The following POU6F2 variants were observed in gnomAD, a reference collection of about 807,000 sequenced individuals.
The protein encoded by POU6F2 is POU domain, class 6, transcription factor 2.
A neutral mutation model predicts 71.3 loss-of-function variants in POU6F2; 31 were observed. That is an observed-to-expected ratio of 0.43 (90% confidence interval 0.33 to 0.59). The LOEUF (loss-of-function observed/expected upper bound fraction) is 0.59. Ranked by LOEUF, POU6F2 falls within the 20% of genes least tolerant of loss-of-function variation. POU6F2 has a pLI of 0.04. For missense variants in POU6F2, 783 were observed against 856.8 expected (o/e 0.91, Z 1.07); for synonymous variants, 347 against 355.7 (o/e 0.98, Z 0.27).
At chr7:39,136,431 G>A (rs112942119) in intron 2 of POU6F2, among the ~76,000 whole-genome samples, 43 of 152,120 alleles carry the variant, frequency 2.8e-4, no homozygotes, top group African/African-American at 1.0e-3. Flanking sequence ...ATAGATCCTA[G>A]GATATGTGAA....
rs758341461 is a variant in POU6F2, at chr7:39,451,523, C to T, written c.1321-10C>T. ...TCATTTGTGTATTTTTTTTACATCC[C>T]CTCATGTAGCTCCACCAACCCTCCC... On this transcript the variant is annotated splice_polypyrimidine_tract_variant and intron_variant, in intron 7 of 9. Transcript: ENST00000518318. 5.0e-6 allele frequency: 8 copies of T among 1,606,328 alleles called. No homozygotes were observed. The highest frequency in any genetic ancestry group is 1.7e-5 in the Admixed American group (1 of 59,502).
Position 39,362,374 on chromosome 7 carries a change from C to A in POU6F2, c.972+22359C>A, listed in dbSNP as rs191636574. ...GTAGCCCAAAAAGAACCTGGAGAAT[C>A]CCCTTGTTAGGACCCTCCCTTCTGG... On this transcript the variant is annotated intron_variant, in intron 5 of 9. Transcript: ENST00000518318. Among the ~76,000 whole-genome samples the A allele has an allele frequency of 3.8e-4, 57 of 151,990 alleles. No individual in the cohort carries two copies. In the East Asian group the frequency reaches 0.01, roughly 27 times the overall value.
intron 2 of POU6F2, among the ~76,000 whole-genome samples, chr7:39,118,961 G>T (rs1791986930): frequency 6.6e-6 from 1 of 152,180 alleles, no homozygotes; most frequent in Admixed American, 6.5e-5. Flanking sequence ...CATGTGTCCA[G>T]CCAATCTATG....
chr7:39,271,426 G>A (rs1425292118), intron 4 of POU6F2, among the ~76,000 whole-genome samples: 1 of 148,542 alleles, frequency 6.7e-6, no homozygotes, highest in Non-Finnish European at 1.5e-5. Flanking sequence ...AAAAGTTCTA[G>A]TTTGGCTTTG....
chr7:39,385,571 C>G (rs1044669157), intron 5 of POU6F2, among the ~76,000 whole-genome samples: 1 of 152,198 alleles, frequency 6.6e-6, no homozygotes, highest in African/African-American at 2.4e-5. Context: ...TGCTGTGTGC[C>G]TGAGCATTGA....
intron 4 of POU6F2, among the ~76,000 whole-genome samples, chr7:39,255,821 T>C (rs577969143): frequency 6.6e-6 from 1 of 152,290 alleles, no homozygotes; most frequent in Admixed American, 6.5e-5. Context: ...ATTTGTCTTC[T>C]CAAATCTCCT....
At chr7:39,435,132 A>C (rs2876836) in intron 7 of POU6F2, among the ~76,000 whole-genome samples, 52,893 of 152,008 alleles carry the variant, frequency 0.35, 10,448 homozygotes, top group East Asian at 0.58. Flanking sequence ...GATTTATATT[A>C]TTTTGGGTAT....
chr7:39,177,120 A>C (rs73365581), intron 2 of POU6F2, among the ~76,000 whole-genome samples: 1,638 of 152,326 alleles, frequency 0.011, 27 homozygotes, highest in African/African-American at 0.038. Context: ...AATGAAAATC[A>C]GGTCACTATA....
At chr7:39,215,277 G>A (rs1217333150) in intron 4 of POU6F2, among the ~76,000 whole-genome samples, 4 of 152,104 alleles carry the variant, frequency 2.6e-5, no homozygotes, top group Non-Finnish European at 4.4e-5. Context: ...CTTGGGAGGC[G>A]GAAGTTGCAG....
intron 8 of POU6F2, among the ~76,000 whole-genome samples, chr7:39,457,426 A>G (rs143840553): frequency 1.3e-5 from 2 of 152,276 alleles, no homozygotes; most frequent in African/African-American, 2.4e-5. Context: ...AAGTAGTGAC[A>G]GTGGGGTAAG....
intron 2 of POU6F2, among the ~76,000 whole-genome samples, chr7:39,189,601 C>T (rs1013548632): frequency 2.0e-5 from 3 of 152,068 alleles, no homozygotes; most frequent in African/African-American, 7.2e-5. Context: ...CAGGATTTCA[C>T]CATGTGGCCA....
chr7:39,331,580 T>C (rs879551389), intron 4 of POU6F2, among the ~76,000 whole-genome samples: 1 of 152,186 alleles, frequency 6.6e-6, no homozygotes, highest in Non-Finnish European at 1.5e-5. Context: ...CGATCTCGGC[T>C]CACTGCAACC....
At chr7:39,197,435 A>T (rs1165991327) in intron 2 of POU6F2, among the ~76,000 whole-genome samples, 4 of 152,224 alleles carry the variant, frequency 2.6e-5, no homozygotes, top group African/African-American at 9.6e-5. Flanking sequence ...TGCGTTTGTA[A>T]TTTGCACTGA....
intron 1 of POU6F2, among the ~76,000 whole-genome samples, chr7:39,039,236 C>T (rs76818358): frequency 0.019 from 2,845 of 152,018 alleles, 36 homozygotes; most frequent in Middle Eastern, 0.055. Context: ...TTGGAAATGG[C>T]AGATACAAGA....
intron 5 of POU6F2, 157 bp from the exon 6 acceptor site, chr7:39,406,443 C>A: frequency 1.3e-6 from 1 of 766,382 alleles, no homozygotes; most frequent in Non-Finnish European, 2.1e-6. Context: ...TACCCCAGAG[C>A]TTCCGGGGGA....
intron 4 of POU6F2, among the ~76,000 whole-genome samples, chr7:39,302,984 G>A (rs1054177132): frequency 6.6e-6 from 1 of 152,184 alleles, no homozygotes; most frequent in African/African-American, 2.4e-5. Flanking sequence ...CTCCAGGCTG[G>A]GGCCTGAAAA....
chr7:39,217,234 T>C lies in POU6F2; in HGVS notation c.598+9614T>C, dbSNP rs540837390. Among the ~76,000 whole-genome samples, 19 of 152,270 alleles carry C rather than the reference T, an allele frequency of 1.2e-4. No homozygotes were observed. In the South Asian group the frequency reaches 3.7e-3, roughly 30 times the overall value. ...TAAAAAGAATACAACCGCAAAGCAATTCTATGCATTCATTATGTATGAACA... is the reference window on the plus strand; with the variant it reads ...TAAAAAGAATACAACCGCAAAGCAACTCTATGCATTCATTATGTATGAACA... On this transcript the variant is annotated intron_variant, in intron 4 of 9. Transcript: ENST00000518318.
At chr7:39,063,269 G>A (rs1790693699) in intron 1 of POU6F2, among the ~76,000 whole-genome samples, 1 of 152,160 alleles carries the variant, frequency 6.6e-6, no homozygotes. Flanking sequence ...CACCACTTGG[G>A]AGGCCAAGGC....
intron 1 of POU6F2, among the ~76,000 whole-genome samples, chr7:38,983,137 C>T (rs1212657111): frequency 6.6e-6 from 1 of 152,050 alleles, no homozygotes; most frequent in Non-Finnish European, 1.5e-5. Flanking sequence ...AAAGTTGGGA[C>T]ATAAAGTGCA....
Sources: gnomAD v4.1 joint callset for allele counts (sites outside exome capture counted in the v4.1 genomes callset) on GRCh38, gnomAD v4.1.1 for gene constraint, MANE v1.5 for transcripts, NCBI Gene and HGNC (gene_info 2026-07-23, HGNC 2026-07-21) for gene names.